DDX46: variants seen among roughly 807,000 people sequenced by gnomAD.
The protein encoded by DDX46 is probable ATP-dependent RNA helicase DDX46.
Under a neutral mutation model 134.9 loss-of-function variants are expected in DDX46, and 30 were observed. The ratio of observed to expected loss-of-function variants is 0.22; its 90% CI spans 0.17 to 0.30. The LOEUF is 0.30. Among genes scored for constraint, DDX46 ranks in the 10% least tolerant of loss-of-function variants. DDX46 has a pLI of 1.00. For missense variants in DDX46, 622 were observed against 1,248.7 expected, an observed-to-expected ratio of 0.50 and a Z score of 7.56; for synonymous variants, 415 against 404.1, an observed-to-expected ratio of 1.03 and a Z score of -0.32.
chr5:134,788,710 T>G, intron 12 of DDX46, 119 bp downstream of exon 12: 1 of 885,646 alleles, frequency 1.1e-6, no homozygotes, highest in Non-Finnish European at 1.7e-6. Flanking sequence ...CTGCAGTATC[T>G]TAAAATTTGT....
intron 21 of DDX46, among the ~76,000 whole-genome samples, chr5:134,820,221 A>G (rs1418261630): frequency 6.6e-6 from 1 of 152,134 alleles, no homozygotes; most frequent in Non-Finnish European, 1.5e-5. Flanking sequence ...CGCCCAGCCC[A>G]CTTTATTTAT....
Position 134,828,740 on chromosome 5 carries a change from C to G in DDX46, c.*34C>G, listed in dbSNP as rs1367925232. On this transcript the variant is annotated 3_prime_UTR_variant, in exon 23 of 23. Transcript: ENST00000452510. ...AAAAAAGATTTTTACCTGTGCTGGT[C>G]TATGATGTATGTGGCAGTTGCTGTC... The G allele has an allele frequency of 4.9e-6, 7 of 1,424,332 alleles. No homozygotes were observed. The highest frequency in any genetic ancestry group is 6.5e-6 in the Non-Finnish European group (7 of 1,076,020). The allele number at this position is 1,424,332 out of a possible 1,614,324, so 88.2% of individuals were successfully genotyped here.
chr5:134,827,351 T>C (rs1360170341), intron 22 of DDX46, among the ~76,000 whole-genome samples: 1 of 152,044 alleles, frequency 6.6e-6, no homozygotes, highest in African/African-American at 2.4e-5. Flanking sequence ...CTCGGCTCAC[T>C]GCAACCTCCG....
intron 21 of DDX46, among the ~76,000 whole-genome samples, chr5:134,822,645 T>A (rs1454444926): frequency 6.6e-6 from 1 of 152,138 alleles, no homozygotes; most frequent in Non-Finnish European, 1.5e-5. Context: ...CTGTCACCTG[T>A]CCTGGAGTGC....
At chr5:134,803,156 G>A (rs1028577233) in intron 15 of DDX46, among the ~76,000 whole-genome samples, 3 of 152,094 alleles carry the variant, frequency 2.0e-5, no homozygotes, top group Non-Finnish European at 2.9e-5. Flanking sequence ...ACCACGCCCA[G>A]CTAATTTTTG....
intron 14 of DDX46, 39 bp downstream of exon 14, chr5:134,795,053 AC>A (rs1754608944): frequency 6.2e-7 from 1 of 1,607,128 alleles, no homozygotes; most frequent in African/African-American, 1.3e-5. Flanking sequence ...TTTCCTTGAT[AC>A]TTAGGTGGTA....
intron 13 of DDX46, among the ~76,000 whole-genome samples, chr5:134,794,099 A>G (rs1754583580): frequency 6.6e-6 from 1 of 152,168 alleles, no homozygotes; most frequent in Non-Finnish European, 1.5e-5. Context: ...AATAACAGGC[A>G]GGTGTCTCTT....
intron 4 of DDX46, among the ~76,000 whole-genome samples, chr5:134,772,611 C>G (rs1447269774): frequency 6.6e-6 from 1 of 152,154 alleles, no homozygotes; most frequent in Non-Finnish European, 1.5e-5. Flanking sequence ...TCAAGCAGTT[C>G]CCCTGCCTCA....
intron 13 of DDX46, 98 bp downstream of exon 13, chr5:134,790,650 CACTT>C (rs1350997113): frequency 1.6e-5 from 17 of 1,033,154 alleles, no homozygotes; most frequent in Non-Finnish European, 2.5e-5. Flanking sequence ...TTCACACACA[CACTT>C]TTCTGTTGCA....
At chr5:134,814,428 G>A (rs964938396) in intron 18 of DDX46, among the ~76,000 whole-genome samples, 6 of 152,108 alleles carry the variant, frequency 3.9e-5, no homozygotes, top group Admixed American at 1.3e-4. Flanking sequence ...TACTTAACAC[G>A]AATAAAATCA....
rs1754309409 is a variant in DDX46, at chr5:134,785,656, GACTTTT to G, written c.1464+78_1464+83del. 14 of 1,494,396 alleles carry G rather than the reference GACTTTT, an allele frequency of 9.4e-6. No homozygotes were observed. In the South Asian group the frequency reaches 9.4e-5, roughly 10 times the overall value. The allele number at this position is 1,494,396 out of a possible 1,614,324, so 92.6% of individuals were successfully genotyped here. ...TTGGATGATTCAATAAAGTAAAAGT[GACTTTT>G]ACTTTTAGTTTTTTGAATAGTGATT... On this transcript the variant is annotated intron_variant, in intron 11 of 22. Coordinates refer to ENST00000452510, the MANE Select transcript of DDX46 (RefSeq NM_001300860.2).
chr5:134,781,126 A>G lies in DDX46; in HGVS notation c.766-7A>G. ...GCAAAATATTCTATATTTGTTCTTT[A>G]TTTTAGAAGTCTGGGCCAACGGTCA... On this transcript the variant is annotated splice_region_variant and splice_polypyrimidine_tract_variant and intron_variant, in intron 6 of 22. Transcript: ENST00000452510. The G allele has an allele frequency of 6.4e-7, 1 of 1,563,888 alleles. No homozygotes were observed. The highest frequency in any genetic ancestry group is 2.3e-5 in the Admixed American group (1 of 43,774).
Position 134,770,917 on chromosome 5 carries a change from A to G in DDX46, c.365A>G (p.Glu122Gly). The G allele has an allele frequency of 6.3e-7, 1 of 1,586,280 alleles. No individual in the cohort carries two copies. The highest frequency in any genetic ancestry group is 1.4e-5 in the African/African-American group (1 of 73,056). The change falls in exon 4 of 23, where the codon GAG (glutamate) becomes GGG (glycine). Residue 122 changes from glutamate to glycine, a missense_variant. This residue lies in a region of DDX46 where 244 missense variants were observed against 349.3 expected (regional missense o/e 0.70). Transcript: ENST00000452510. The part of the protein sequence containing the change: ...KKTENRSRSK[E>G]KTDGGESSKE... The stretch of plus-strand genomic sequence containing the variant: ...TTTTTTGGTAGATCTAGGTCCAAAG[A>G]GAAAACTGATGGTGGGGAAAGTTCT...
chr5:134,780,042 C>T (rs939436935), intron 6 of DDX46, among the ~76,000 whole-genome samples: 1 of 151,154 alleles, frequency 6.6e-6, no homozygotes, highest in Admixed American at 6.6e-5. Context: ...TAGCCTAGAT[C>T]ACACCACTGT....
intron 7 of DDX46, 26 bp downstream of exon 7, chr5:134,781,272 T>C (rs1754144704): frequency 6.5e-7 from 1 of 1,529,580 alleles, no homozygotes; most frequent in African/African-American, 1.4e-5. Flanking sequence ...TTTGACTTTG[T>C]TTATGATACT....
chr5:134,773,145 G>A (rs1431377232), intron 4 of DDX46, among the ~76,000 whole-genome samples: 1 of 151,836 alleles, frequency 6.6e-6, no homozygotes, highest in East Asian at 1.9e-4. Flanking sequence ...CTTTGTTGCT[G>A]AGGCTGATCT....
intron 4 of DDX46, among the ~76,000 whole-genome samples, chr5:134,772,513 T>C (rs1753805052): frequency 6.6e-6 from 1 of 151,894 alleles, no homozygotes; most frequent in African/African-American, 2.4e-5. Context: ...TGCGAGACTC[T>C]GTCTGGAAAA....
At chr5:134,769,184 A>G (rs1234074063) in intron 3 of DDX46, among the ~76,000 whole-genome samples, 1 of 152,156 alleles carries the variant, frequency 6.6e-6, no homozygotes, top group Non-Finnish European at 1.5e-5. Context: ...TTCTTCATTT[A>G]TCACATTTTA....
intron 15 of DDX46, among the ~76,000 whole-genome samples, chr5:134,796,543 A>G (rs940198757): frequency 6.6e-6 from 1 of 152,244 alleles, no homozygotes; most frequent in Non-Finnish European, 1.5e-5. Context: ...GCAATATCAC[A>G]GTATGTGGAA....
Sources: gnomAD v4.1 joint callset for allele counts (sites outside exome capture counted in the v4.1 genomes callset) on GRCh38, gnomAD v4.1.1 for gene constraint, gnomAD v4.1.1 regional missense constraint, MANE v1.5 for transcripts, NCBI Gene and HGNC (gene_info 2026-07-23, HGNC 2026-07-21) for gene names.